Variants in STRN3 observed in about 807,000 individuals in gnomAD.
STRN3 encodes the protein striatin 3, also known as striatin-3.
In STRN3, 29 loss-of-function variants were observed where a neutral mutation model predicts 95.6. That is an observed-to-expected ratio of 0.30 (90% CI 0.23 to 0.41). The LOEUF is 0.41. STRN3 is among the 10% of genes least tolerant of loss of function. The probability of loss-of-function intolerance (pLI) is 1.00; values close to 1 mark genes in which losing one functional copy is unlikely to be tolerated. For missense variants in STRN3, 890 were observed against 972.1 expected (o/e 0.92, Z 1.12); for synonymous variants, 331 against 357.6 (o/e 0.93, Z 0.84).
chr14:30,973,216 C>T (rs1419216367), intron 1 of STRN3, among the ~76,000 whole-genome samples: 1 of 151,534 alleles, frequency 6.6e-6, no homozygotes, highest in Non-Finnish European at 1.5e-5. Flanking sequence ...CTCAAAAAAG[C>T]CAGTAGAGGC....
intron 8 of STRN3, among the ~76,000 whole-genome samples, chr14:30,925,104 C>T (rs1351338772): frequency 1.3e-5 from 2 of 151,960 alleles, no homozygotes; most frequent in Non-Finnish European, 2.9e-5. Context: ...TCTTAGAGTA[C>T]TAATAAGATA....
At chr14:30,939,476 A>T (rs1235801855) in intron 5 of STRN3, among the ~76,000 whole-genome samples, 1 of 152,158 alleles carries the variant, frequency 6.6e-6, no homozygotes, top group Non-Finnish European at 1.5e-5. Context: ...TCAGCCAGTG[A>T]AGAAAAAGAA....
At position 30,924,212 on chromosome 14, in the gene STRN3, C is replaced by CAA. The variant is rs200674481; in HGVS notation, c.1099+4987_1099+4988dup. Among the ~76,000 whole-genome samples, 852 of 110,618 alleles carry CAA rather than the reference C, an allele frequency of 7.7e-3. 4 individuals are homozygous for CAA. The highest frequency in any genetic ancestry group is 0.018 in the African/African-American group (533 of 29,128). The allele number at this position is 110,618 out of a possible 152,430, so 72.6% of individuals were successfully genotyped here. On this transcript the variant is annotated intron_variant, in intron 8 of 17. Transcript: ENST00000357479. The stretch of plus-strand genomic sequence containing the variant: ...CTACAACTTAGTTTTCTGAACTACT[C>CAA]AAAAAAAAAAAAACAAAAAAACAAA...
Position 31,026,049 on chromosome 14 carries a change from G to A in STRN3, c.137C>T (p.Ser46Phe). ...GAAGGGGPPASEGAGPAAGPE... is the reference protein window; with the variant it reads ...GAAGGGGPPAFEGAGPAAGPE... Reference sequence around the variant, plus strand: ...GCCTGCCGCGGGACCCGCTCCCTCGGAGGCCGGAGGACCCCCGCCGCCCGC... The same window carrying A: ...GCCTGCCGCGGGACCCGCTCCCTCGAAGGCCGGAGGACCCCCGCCGCCCGC... Residue 46 changes from serine to phenylalanine, a missense_variant, in exon 1 of 18, where the codon TCC becomes TTC. This residue lies in a region of STRN3 where 526 missense variants were observed against 526.3 expected (regional missense o/e 1.00). Transcript: ENST00000357479. The A allele has an allele frequency of 6.5e-7, 1 of 1,531,434 alleles. No individual in the cohort carries two copies. The highest frequency in any genetic ancestry group is 8.8e-7 in the Non-Finnish European group (1 of 1,139,946). 94.9% of individuals were successfully genotyped at this position (1,531,434 alleles called of 1,614,324 possible).
At chr14:30,997,358 C>T (rs766259394) in intron 1 of STRN3, among the ~76,000 whole-genome samples, 7 of 152,118 alleles carry the variant, frequency 4.6e-5, no homozygotes, top group Non-Finnish European at 1.0e-4. Flanking sequence ...AATCCAGAGC[C>T]ACACCTCCTC....
At chr14:30,939,404 G>A (rs1362844346) in intron 5 of STRN3, among the ~76,000 whole-genome samples, 1 of 152,142 alleles carries the variant, frequency 6.6e-6, no homozygotes. Flanking sequence ...AGTCTGGAGT[G>A]GAGTTGATGA....
intron 5 of STRN3, among the ~76,000 whole-genome samples, chr14:30,938,278 T>C (rs1438988270): frequency 6.6e-6 from 1 of 152,134 alleles, no homozygotes; most frequent in Non-Finnish European, 1.5e-5. Context: ...GATGGTTTCT[T>C]CAAATGCAAA....
chr14:30,938,673 G>C (rs957809214), intron 5 of STRN3, among the ~76,000 whole-genome samples: 5 of 151,924 alleles, frequency 3.3e-5, no homozygotes, highest in Non-Finnish European at 5.9e-5. Context: ...GACACCAAGA[G>C]AATGTAAAGA....
rs577248622 is a variant in STRN3, at chr14:30,894,296, T to C, written c.*1115A>G. On this transcript the variant is annotated 3_prime_UTR_variant, in exon 18 of 18. Coordinates refer to ENST00000357479, the MANE Select transcript of STRN3 (RefSeq NM_001083893.2). ...TCATGGTAAACCAAGATATATATCT[T>C]AGGGGGAACCACCTTGGTTTGTAAT... 1.3e-5 allele frequency: 2 copies of C among 152,524 alleles called. No individual in the cohort carries two copies. Among genetic ancestry groups the C allele is most frequent in the Admixed American group, 1.3e-4 (2 of 15,296 alleles). 9.4% of individuals were successfully genotyped at this position (152,524 alleles called of 1,614,324 possible).
intron 1 of STRN3, among the ~76,000 whole-genome samples, chr14:31,010,025 C>A (rs1466668801): frequency 3.3e-5 from 5 of 152,134 alleles, no homozygotes; most frequent in African/African-American, 1.2e-4. Flanking sequence ...ATTGCTTGAG[C>A]CCAGAAGGAC....
chr14:30,967,548 A>AC (rs1880591741), intron 1 of STRN3, among the ~76,000 whole-genome samples: 1 of 152,216 alleles, frequency 6.6e-6, no homozygotes, highest in African/African-American at 2.4e-5. Context: ...GACACTGACA[A>AC]CCCGTAGCCT....
intron 8 of STRN3, among the ~76,000 whole-genome samples, chr14:30,925,438 A>ATATGGT (rs1335594775): frequency 1.3e-5 from 2 of 152,196 alleles, no homozygotes; most frequent in African/African-American, 4.8e-5. Context: ...TGCTGATTCC[A>ATATGGT]TATGGTAAAG....
At chr14:31,000,298 C>T (rs1245785587) in intron 1 of STRN3, among the ~76,000 whole-genome samples, 1 of 151,766 alleles carries the variant, frequency 6.6e-6, no homozygotes, top group Non-Finnish European at 1.5e-5. Flanking sequence ...AAGGCAATCA[C>T]ATTAAGCAAT....
chr14:31,008,523 T>C (rs1882823172), intron 1 of STRN3, among the ~76,000 whole-genome samples: 1 of 151,800 alleles, frequency 6.6e-6, no homozygotes, highest in Non-Finnish European at 1.5e-5. Flanking sequence ...AATAAATGAA[T>C]CTAAAAATTA....
intron 1 of STRN3, among the ~76,000 whole-genome samples, chr14:30,970,361 C>T (rs928244664): frequency 2.0e-5 from 3 of 152,220 alleles, no homozygotes; most frequent in Non-Finnish European, 4.4e-5. Context: ...GTTGGTCCAA[C>T]GTTCTGTGGA....
At chr14:30,962,025 A>G (rs1159985843) in intron 1 of STRN3, among the ~76,000 whole-genome samples, 1 of 152,244 alleles carries the variant, frequency 6.6e-6, no homozygotes, top group East Asian at 1.9e-4. Context: ...GGAAGATGAC[A>G]GTTCCATGTG....
chr14:30,901,500 TG>T (rs1446867707), intron 16 of STRN3, among the ~76,000 whole-genome samples: 1 of 152,220 alleles, frequency 6.6e-6, no homozygotes, highest in Non-Finnish European at 1.5e-5. Context: ...CCTATAATTC[TG>T]GGTCACTGTC....
At chr14:30,903,564 A>C (rs1042251698) in intron 15 of STRN3, among the ~76,000 whole-genome samples, 2 of 152,012 alleles carry the variant, frequency 1.3e-5, no homozygotes, top group Admixed American at 1.3e-4. Flanking sequence ...ATGCCCACCT[A>C]ATTTTTTAAG....
chr14:30,979,811 G>A (rs2139222164), intron 1 of STRN3, among the ~76,000 whole-genome samples: 1 of 151,952 alleles, frequency 6.6e-6, no homozygotes, highest in South Asian at 2.1e-4. Context: ...TGTTGGCCAG[G>A]ATGGTCTTGA....
Sources: gnomAD v4.1 joint callset for allele counts (sites outside exome capture counted in the v4.1 genomes callset) on GRCh38, gnomAD v4.1.1 for gene constraint, gnomAD v4.1.1 regional missense constraint, MANE v1.5 for transcripts, NCBI Gene and HGNC (gene_info 2026-07-23, HGNC 2026-07-21) for gene names.